The following SDCCAG8 variants were observed in gnomAD, a reference collection of about 807,000 sequenced individuals.
SDCCAG8 encodes SHH signaling and ciliogenesis regulator SDCCAG8.
A neutral mutation model predicts 101.8 loss-of-function variants in SDCCAG8; 74 were observed. The observed-to-expected ratio is 0.73, with a 90% CI of 0.60 to 0.88. The LOEUF is 0.88. SDCCAG8 is among the 40% of genes least tolerant of loss of function. The pLI, the probability that SDCCAG8 is intolerant of heterozygous loss-of-function variation, is 0.00. For missense variants in SDCCAG8, 787 were observed against 822.6 expected, an observed-to-expected ratio of 0.96 and a Z score of 0.53; for synonymous variants, 281 against 292.9, an observed-to-expected ratio of 0.96 and a Z score of 0.41.
At chr1:243,383,204 G>T (rs763596850) in intron 13 of SDCCAG8, among the ~76,000 whole-genome samples, 5 of 152,192 alleles carry the variant, frequency 3.3e-5, no homozygotes, top group Non-Finnish European at 7.3e-5. Context: ...ATGATTCGAA[G>T]AGTATTTTCA....
At chr1:243,299,470 A>G (rs534520200) in intron 6 of SDCCAG8, among the ~76,000 whole-genome samples, 25 of 152,042 alleles carry the variant, frequency 1.6e-4, no homozygotes, top group Non-Finnish European at 3.2e-4. Context: ...CTGGAGTGCA[A>G]TGGCATGATC....
intron 8 of SDCCAG8, among the ~76,000 whole-genome samples, chr1:243,313,707 T>C (rs1023305105): frequency 6.6e-6 from 1 of 152,182 alleles, no homozygotes; most frequent in South Asian, 2.1e-4. Flanking sequence ...GCCCTTTCAC[T>C]CTCACATTGA....
intron 13 of SDCCAG8, among the ~76,000 whole-genome samples, chr1:243,379,924 C>T (rs1046029238): frequency 6.6e-6 from 1 of 152,134 alleles, no homozygotes; most frequent in East Asian, 1.9e-4. Context: ...GAACAGCCTG[C>T]GTTTGGAGAA....
Position 243,418,003 on chromosome 1 carries a change from A to G in SDCCAG8, c.1780A>G (p.Thr594Ala), listed in dbSNP as rs768941321. Residue 594 changes from threonine to alanine, a missense_variant, in exon 15 of 18, where the codon ACA (threonine) becomes GCA (alanine). Transcript: ENST00000366541. ...EQYLLLTSQN[T>A]FLTKLKEECC... ...GTATTTGTTGCTGACCTCCCAGAATACATTTTTGACAAAGTTAAAGGAAGA... is the reference window on the plus strand; with the variant it reads ...GTATTTGTTGCTGACCTCCCAGAATGCATTTTTGACAAAGTTAAAGGAAGA... The G allele has an allele frequency of 6.2e-7, 1 of 1,613,016 alleles. No individual in the cohort carries two copies. Among genetic ancestry groups the G allele is most frequent in the Non-Finnish European group, 8.5e-7 (1 of 1,179,198 alleles).
intron 16 of SDCCAG8, among the ~76,000 whole-genome samples, chr1:243,429,328 G>A (rs2081557164): frequency 6.6e-6 from 1 of 152,010 alleles, no homozygotes; most frequent in Non-Finnish European, 1.5e-5. Context: ...ATAAATATGT[G>A]TTAATCAACC....
intron 17 of SDCCAG8, among the ~76,000 whole-genome samples, chr1:243,497,504 G>A (rs991311178): frequency 1.3e-5 from 2 of 152,082 alleles, no homozygotes; most frequent in Non-Finnish European, 2.9e-5. Flanking sequence ...TCCTGGTGAG[G>A]CCCGTACATC....
intron 16 of SDCCAG8, among the ~76,000 whole-genome samples, chr1:243,468,666 G>C (rs1325303008): frequency 6.6e-6 from 1 of 152,216 alleles, no homozygotes; most frequent in African/African-American, 2.4e-5. Context: ...CAGCCTGCAT[G>C]ACAGAGGAAG....
chr1:243,385,767 C>T (rs111949287), intron 13 of SDCCAG8, among the ~76,000 whole-genome samples: 3,171 of 151,720 alleles, frequency 0.021, 91 homozygotes, highest in African/African-American at 0.069. Context: ...GTCAGGAGTT[C>T]GAGACCAGCC....
intron 16 of SDCCAG8, among the ~76,000 whole-genome samples, chr1:243,473,357 C>A (rs1393986167): frequency 6.6e-6 from 1 of 152,148 alleles, no homozygotes; most frequent in Non-Finnish European, 1.5e-5. Context: ...ACATCCCCCT[C>A]CCCCTACCCC....
At position 243,489,112 on chromosome 1, in the gene SDCCAG8, C is replaced by G. The variant is rs746212924; in HGVS notation, c.2084C>G (p.Ser695Trp). 4.3e-6 allele frequency: 7 copies of G among 1,612,968 alleles called. No homozygotes were observed. The highest frequency in any genetic ancestry group is 5.9e-6 in the Non-Finnish European group (7 of 1,179,976). The change falls in exon 17 of 18, where the codon TCG becomes TGG. Residue 695 changes from serine (S) to tryptophan (W), a missense_variant. Coordinates refer to ENST00000366541, the MANE Select transcript of SDCCAG8 (RefSeq NM_006642.5). ...NQLLLERQSL[S>W]EEVDRLRTQL... ...CTTCTCCTGGAGAGGCAGAGCCTGT[C>G]GGAAGAGGTGGACCGGCTGCGGACC...
At chr1:243,471,493 C>T (rs915957398) in intron 16 of SDCCAG8, among the ~76,000 whole-genome samples, 1 of 152,120 alleles carries the variant, frequency 6.6e-6, no homozygotes, top group Non-Finnish European at 1.5e-5. Flanking sequence ...TTAATAATGC[C>T]CCAGTCCTCT....
chr1:243,360,096 G>T (rs967416601), intron 12 of SDCCAG8, among the ~76,000 whole-genome samples: 4 of 149,684 alleles, frequency 2.7e-5, no homozygotes, highest in Non-Finnish European at 5.9e-5. Flanking sequence ...CACTGCTACC[G>T]TCTAGTTCAA....
At chr1:243,362,741 G>C (rs1231486312) in intron 12 of SDCCAG8, among the ~76,000 whole-genome samples, 1 of 152,158 alleles carries the variant, frequency 6.6e-6, no homozygotes, top group Non-Finnish European at 1.5e-5. Flanking sequence ...ATATGAGACT[G>C]CTAGTTTGAA....
At chr1:243,322,471 G>A (rs2073835403) in intron 9 of SDCCAG8, among the ~76,000 whole-genome samples, 1 of 152,174 alleles carries the variant, frequency 6.6e-6, no homozygotes, top group Non-Finnish European at 1.5e-5. Flanking sequence ...GCACATGCCT[G>A]GACTACATGA....
intron 4 of SDCCAG8, 33 bp downstream of exon 4, chr1:243,274,689 AAATG>A: frequency 8.0e-7 from 1 of 1,248,352 alleles, no homozygotes; most frequent in Non-Finnish European, 1.2e-6. Flanking sequence ...AAAACTAAAT[AAATG>A]AAAGCTTATA....
intron 9 of SDCCAG8, among the ~76,000 whole-genome samples, chr1:243,322,163 G>C (rs1200274287): frequency 6.6e-6 from 1 of 152,214 alleles, no homozygotes; most frequent in East Asian, 1.9e-4. Flanking sequence ...AGAAGCCAAT[G>C]CTACGGCACT....
chr1:243,499,570 T>C, intron 17 of SDCCAG8, 186 bp from the exon 18 acceptor site: 1 of 638,684 alleles, frequency 1.6e-6, no homozygotes, highest in South Asian at 1.9e-5. Context: ...TTATTTCATA[T>C]GTGAAGGGCT....
intron 9 of SDCCAG8, among the ~76,000 whole-genome samples, chr1:243,321,068 T>C (rs1345359396): frequency 6.6e-6 from 1 of 152,162 alleles, no homozygotes; most frequent in Non-Finnish European, 1.5e-5. Context: ...CATTGTAGGA[T>C]GTTTAGAAGC....
intron 4 of SDCCAG8, among the ~76,000 whole-genome samples, chr1:243,279,105 T>A (rs748310405): frequency 5.1e-4 from 78 of 152,336 alleles, no homozygotes; most frequent in Non-Finnish European, 9.4e-4. Context: ...TTTATTTTTT[T>A]AATTGTCTTA....
Sources: gnomAD v4.1 joint callset for allele counts (sites outside exome capture counted in the v4.1 genomes callset) on GRCh38, gnomAD v4.1.1 for gene constraint, MANE v1.5 for transcripts, NCBI Gene and HGNC (gene_info 2026-07-23, HGNC 2026-07-21) for gene names.